Variants in EML4 observed in about 807,000 individuals in gnomAD.
EML4 encodes EMAP like 4, also known as echinoderm microtubule-associated protein-like 4.
A neutral mutation model predicts 129.0 loss-of-function variants in EML4; 72 were observed. The observed-to-expected ratio is 0.56, with a 90% CI of 0.46 to 0.68. The LOEUF (loss-of-function observed/expected upper bound fraction) is 0.68. EML4 is among the 30% of genes least tolerant of loss of function. The pLI is 0.00. For missense variants in EML4, 1,363 were observed against 1,190.6 expected (o/e 1.14, Z -2.13); for synonymous variants, 532 against 405.0 (o/e 1.31, Z -3.77).
intron 2 of EML4, among the ~76,000 whole-genome samples, chr2:42,247,656 T>G (rs1293088905): frequency 2.0e-5 from 3 of 152,116 alleles, no homozygotes; most frequent in Admixed American, 1.3e-4. Context: ...TTATGCTTGC[T>G]TGCTTGATTT....
chr2:42,181,193 A>G (rs902976544), intron 1 of EML4, among the ~76,000 whole-genome samples: 5 of 152,210 alleles, frequency 3.3e-5, no homozygotes, highest in African/African-American at 4.8e-5. Context: ...GTTGATAGCT[A>G]TTTTGTAAAA....
rs1328787809 is a variant in EML4, at chr2:42,332,514, AAAAAT to A, written c.*2315_*2319del. 1.1e-5 allele frequency: 2 copies of A among 184,786 alleles called. No individual in the cohort carries two copies. The highest frequency in any genetic ancestry group is 4.7e-5 in the African/African-American group (2 of 42,584). 11.4% of individuals were successfully genotyped at this position (184,786 alleles called of 1,614,324 possible). On this transcript the variant is annotated 3_prime_UTR_variant, in exon 23 of 23. Transcript: ENST00000318522. ...TCATGGCAGAAAATTTTGAAGATTA[AAAAAT>A]AAAATAATCAAAATGTTTCCTCTTT...
At chr2:42,217,580 G>A (rs1289834006) in intron 1 of EML4, among the ~76,000 whole-genome samples, 8 of 152,136 alleles carry the variant, frequency 5.3e-5, no homozygotes, top group East Asian at 1.9e-4. Context: ...AGACTTAAAC[G>A]TAGAGTTTTC....
chr2:42,266,994 A>C (rs1666099787), intron 6 of EML4, among the ~76,000 whole-genome samples: 1 of 152,192 alleles, frequency 6.6e-6, no homozygotes, highest in African/African-American at 2.4e-5. Context: ...ACATGTAGAG[A>C]TGTATAGCAA....
intron 1 of EML4, among the ~76,000 whole-genome samples, chr2:42,219,728 G>A (rs1260749497): frequency 6.6e-6 from 1 of 151,900 alleles, no homozygotes; most frequent in African/African-American, 2.4e-5. Context: ...GACCAGCCTG[G>A]CCAACATGGT....
chr2:42,288,875 T>G, intron 11 of EML4: 1 of 152,224 alleles, frequency 6.6e-6, no homozygotes, highest in East Asian at 1.9e-4. Context: ...GAATGTAAAA[T>G]GCATTGAAGC....
At chr2:42,256,430 T>G in intron 2 of EML4, 71 bp from the exon 3 acceptor site, 1 of 1,477,240 alleles carries the variant, frequency 6.8e-7, no homozygotes, top group Non-Finnish European at 9.1e-7. Context: ...CAAATGGACT[T>G]AATTTTAAAA....
In EML4 at chr2:42,331,008, G is replaced by A; in HGVS notation, c.*801G>A. ...TTTACTAGCCTAAACATTCTCAAAT[G>A]TTTGAGATTCAAGTGAATGGAAGGA... On this transcript the variant is annotated 3_prime_UTR_variant, in exon 23 of 23. Transcript: ENST00000318522. The A allele has an allele frequency of 4.7e-6, 1 of 212,618 alleles. No homozygotes were observed. The allele number at this position is 212,618 out of a possible 1,614,324, so 13.2% of individuals were successfully genotyped here. A position where few individuals can be genotyped will look rare whatever the true frequency, so the allele number is the denominator to read the frequency against.
At chr2:42,329,250 T>TTTA (rs2103848017) in intron 22 of EML4, among the ~76,000 whole-genome samples, 1 of 152,350 alleles carries the variant, frequency 6.6e-6, no homozygotes, top group Non-Finnish European at 1.5e-5. Flanking sequence ...TTCCTGTTTC[T>TTTA]TTATTGTCCG....
chr2:42,215,350 G>T (rs771168792), intron 1 of EML4, among the ~76,000 whole-genome samples: 3 of 152,166 alleles, frequency 2.0e-5, no homozygotes, highest in Non-Finnish European at 4.4e-5. Context: ...ACCATGCCCA[G>T]CCATAAAACC....
At chr2:42,195,278 C>G (rs1489919333) in intron 1 of EML4, among the ~76,000 whole-genome samples, 1 of 152,120 alleles carries the variant, frequency 6.6e-6, no homozygotes, top group African/African-American at 2.4e-5. Flanking sequence ...CCTTACACGA[C>G]TATTAACTAA....
Position 42,282,972 on chromosome 2 carries a change from G to T in EML4, c.941G>T (p.Cys314Phe). 1 of 1,599,314 alleles carries T rather than the reference G, an allele frequency of 6.3e-7. No homozygotes were observed. Among genetic ancestry groups the T allele is most frequent in the South Asian group, 1.1e-5 (1 of 88,302 alleles). ...CTGGGCCATACAGACTGTGTGAAAT[G>T]GTTGGTATCATTTAACATTGGTTCA... ...HYLGHTDCVK[C>F]LAIHPDKIRI... Residue 314 changes from cysteine (C) to phenylalanine (F), a missense_variant and splice_region_variant, in exon 8 of 23, where the codon TGC becomes TTC. Cys to Phe is a radical substitution (Grantham distance 205). Coordinates refer to ENST00000318522, the MANE Select transcript of EML4 (RefSeq NM_019063.5).
At chr2:42,254,993 G>C (rs1019358719) in intron 2 of EML4, among the ~76,000 whole-genome samples, 2 of 152,056 alleles carry the variant, frequency 1.3e-5, no homozygotes, top group Admixed American at 1.3e-4. Context: ...TGAAAACATT[G>C]TACTATATAA....
At chr2:42,199,799 A>G (rs896472583) in intron 1 of EML4, among the ~76,000 whole-genome samples, 1 of 152,216 alleles carries the variant, frequency 6.6e-6, no homozygotes, top group Admixed American at 6.5e-5. Context: ...GAAGCGTCAC[A>G]GAAATCCGAG....
chr2:42,201,286 C>A (rs1028769569), intron 1 of EML4, among the ~76,000 whole-genome samples: 3 of 152,074 alleles, frequency 2.0e-5, no homozygotes, highest in African/African-American at 7.2e-5. Context: ...CTCATTTAAT[C>A]CTCATAGTAA....
At chr2:42,264,780 A>T in intron 6 of EML4, 49 bp downstream of exon 6, 1 of 1,433,850 alleles carries the variant, frequency 7.0e-7, no homozygotes, top group Non-Finnish European at 9.6e-7. Flanking sequence ...TCTTAGTTTA[A>T]TTTTTGCTAA....
chr2:42,185,402 A>G (rs1266094193), intron 1 of EML4, among the ~76,000 whole-genome samples: 3 of 152,220 alleles, frequency 2.0e-5, no homozygotes, highest in Admixed American at 6.5e-5. Context: ...GTAGAGTAGT[A>G]GTAACAGAGA....
At chr2:42,230,101 C>G (rs1674236264) in intron 1 of EML4, among the ~76,000 whole-genome samples, 1 of 152,142 alleles carries the variant, frequency 6.6e-6, no homozygotes, top group Admixed American at 6.5e-5. Flanking sequence ...ACCCCTAGTC[C>G]TATGCATGTC....
chr2:42,277,412 C>A (rs931462011), intron 6 of EML4, among the ~76,000 whole-genome samples: 3 of 152,078 alleles, frequency 2.0e-5, no homozygotes, highest in Admixed American at 6.5e-5. Context: ...GAAGCAGAGC[C>A]CACTCTTAGA....
Sources: gnomAD v4.1 joint callset for allele counts (sites outside exome capture counted in the v4.1 genomes callset) on GRCh38, gnomAD v4.1.1 for gene constraint, MANE v1.5 for transcripts, NCBI Gene and HGNC (gene_info 2026-07-23, HGNC 2026-07-21) for gene names.